The following KIRREL3 variants were observed in gnomAD, a reference collection of about 807,000 sequenced individuals.
KIRREL3 encodes kin of IRRE-like protein 3.
A neutral mutation model predicts 89.7 loss-of-function variants in KIRREL3; 36 were observed. The ratio of observed to expected loss-of-function variants is 0.40; its 90% confidence interval spans 0.31 to 0.53. The LOEUF is 0.53. KIRREL3 is among the 20% of genes least tolerant of loss of function. The probability of loss-of-function intolerance (pLI) is 0.49; values close to 1 mark genes in which losing one functional copy is unlikely to be tolerated. For synonymous variants in KIRREL3, 445 were observed against 441.4 expected, an observed-to-expected ratio of 1.01 and a Z score of -0.10; for missense variants, 864 against 1,056.6, an observed-to-expected ratio of 0.82 and a Z score of 2.53.
chr11:126,541,562 G>C lies in KIRREL3; in HGVS notation c.134-14875C>G, dbSNP rs1034965870. Reference sequence around the variant, plus strand: ...TATGCTGCTATAGCCTTGTCAGTCAGAGACGGTTCTAAAACTTCCATGTGC... The same window carrying C: ...TATGCTGCTATAGCCTTGTCAGTCACAGACGGTTCTAAAACTTCCATGTGC... On this transcript the variant is annotated intron_variant, in intron 2 of 16. Coordinates refer to ENST00000525144, the MANE Select transcript of KIRREL3 (RefSeq NM_032531.4). This position sits in a 1 kb window ranked among gnomAD's most constrained non-coding sequence, Gnocchi z 4.8. 2.0e-5 allele frequency among the ~76,000 whole-genome samples: 3 copies of C among 152,198 alleles called. No homozygotes were observed. The highest frequency in any genetic ancestry group is 7.2e-5 in the African/African-American group (3 of 41,444).
intron 1 of KIRREL3, among the ~76,000 whole-genome samples, chr11:126,741,934 T>C (rs1949000883): frequency 6.6e-6 from 1 of 152,204 alleles, no homozygotes; most frequent in South Asian, 2.1e-4. Flanking sequence ...TACCATTCCA[T>C]TGCTCTTTTC....
intron 1 of KIRREL3, among the ~76,000 whole-genome samples, chr11:126,767,296 G>A (rs1949855039): frequency 6.6e-6 from 1 of 152,196 alleles, no homozygotes; most frequent in Non-Finnish European, 1.5e-5. Flanking sequence ...GAGGGAGCTG[G>A]TAGCATGCTT....
At chr11:126,841,535 A>C (rs766730417) in intron 1 of KIRREL3, among the ~76,000 whole-genome samples, 3 of 152,248 alleles carry the variant, frequency 2.0e-5, no homozygotes, top group Non-Finnish European at 2.9e-5. Flanking sequence ...GTAATTCATT[A>C]TTCGTTTACA....
chr11:126,654,340 T>G (rs1021159831), intron 1 of KIRREL3, among the ~76,000 whole-genome samples: 3 of 37,764 alleles, frequency 7.9e-5, no homozygotes, highest in East Asian at 8.7e-4. Context: ...ACTGAAAGTT[T>G]TTTTTTTTTT....
At position 126,788,230 on chromosome 11, in the gene KIRREL3, A is replaced by T. The variant is rs1431524714; in HGVS notation, c.55+212225T>A. On this transcript the variant is annotated intron_variant, in intron 1 of 16. Coordinates refer to ENST00000525144, the MANE Select transcript of KIRREL3 (RefSeq NM_032531.4). The surrounding 1 kb of genome is among the most constrained non-coding windows in gnomAD (Gnocchi z 4.1). ...AATCGTTTCTAACCATCTCTTTTTC[A>T]TTCCTATGGACGTTGCCTCCCAGGG... 6.6e-6 allele frequency among the ~76,000 whole-genome samples: 1 copy of T among 152,154 alleles called. No homozygotes were observed. The highest frequency in any genetic ancestry group is 2.4e-5 in the African/African-American group (1 of 41,426).
At chr11:126,514,264 A>G (rs1159436088) in intron 4 of KIRREL3, among the ~76,000 whole-genome samples, 2 of 152,126 alleles carry the variant, frequency 1.3e-5, no homozygotes, top group Non-Finnish European at 2.9e-5. Flanking sequence ...ATTGCAGGGT[A>G]ATGAATGTTG....
intron 1 of KIRREL3, among the ~76,000 whole-genome samples, chr11:126,700,838 C>T (rs1328920038): frequency 6.6e-6 from 1 of 152,202 alleles, no homozygotes; most frequent in Non-Finnish European, 1.5e-5. Context: ...AGGCATTCAC[C>T]CCCCACACCC....
intron 1 of KIRREL3, among the ~76,000 whole-genome samples, chr11:126,670,733 A>G (rs185552759): frequency 1.1e-4 from 16 of 152,380 alleles, no homozygotes; most frequent in Admixed American, 9.8e-4. Flanking sequence ...AAAGATAAAT[A>G]CAAATTTGTG....
intron 1 of KIRREL3, among the ~76,000 whole-genome samples, chr11:126,810,391 G>A (rs1156704270): frequency 1.3e-5 from 2 of 152,126 alleles, no homozygotes; most frequent in Non-Finnish European, 2.9e-5. Context: ...TTAGCTTTCT[G>A]CAGACACACA....
chr11:126,823,945 C>G (rs1435359316), intron 1 of KIRREL3, among the ~76,000 whole-genome samples: 1 of 152,148 alleles, frequency 6.6e-6, no homozygotes, highest in African/African-American at 2.4e-5. Flanking sequence ...GGGTATCTTG[C>G]TGGAGCTACC....
chr11:126,473,522 C>A, intron 4 of KIRREL3, 56 bp from the exon 5 acceptor site: 1 of 1,450,166 alleles, frequency 6.9e-7, no homozygotes, highest in Non-Finnish European at 9.2e-7. Context: ...GGCAGGACGG[C>A]AGGCAGGCTG....
At chr11:126,789,589 G>T (rs1239536147) in intron 1 of KIRREL3, among the ~76,000 whole-genome samples, 1 of 152,062 alleles carries the variant, frequency 6.6e-6, no homozygotes, top group Non-Finnish European at 1.5e-5. Context: ...AAATTGTTTT[G>T]CCCTTGTTAA....
At chr11:126,433,544 G>T (rs1189014771) in intron 13 of KIRREL3, among the ~76,000 whole-genome samples, 1 of 152,184 alleles carries the variant, frequency 6.6e-6, no homozygotes. Context: ...CAGCTGTAGG[G>T]GTGACAGGGA....
intron 2 of KIRREL3, among the ~76,000 whole-genome samples, chr11:126,534,466 G>A (rs1386189200): frequency 2.0e-5 from 3 of 152,156 alleles, no homozygotes; most frequent in South Asian, 2.1e-4. Context: ...CTTCCTGCTC[G>A]CCGCCTGGAA....
intron 5 of KIRREL3, among the ~76,000 whole-genome samples, chr11:126,469,199 G>A (rs1265181981): frequency 1.3e-5 from 2 of 152,226 alleles, no homozygotes; most frequent in East Asian, 3.9e-4. Context: ...AATTCAGGCT[G>A]CCAGCTCCTG....
chr11:126,629,558 C>T (rs1046589501), intron 1 of KIRREL3, among the ~76,000 whole-genome samples: 10 of 152,320 alleles, frequency 6.6e-5, no homozygotes, highest in South Asian at 4.1e-4. Flanking sequence ...ATGCCTTCCA[C>T]GTGCTCCTCC....
Position 126,796,336 on chromosome 11 carries a change from A to G in KIRREL3, c.55+204119T>C, listed in dbSNP as rs1017016232. ...GGCTTGCTGATCCCAGACTGGGCTG[A>G]CCCAGGGCATCAGGGCTGGGGATTG... On this transcript the variant is annotated intron_variant, in intron 1 of 16. Coordinates refer to ENST00000525144, the MANE Select transcript of KIRREL3 (RefSeq NM_032531.4). The surrounding 1 kb of genome is among the most constrained non-coding windows in gnomAD (Gnocchi z 5.1). 1.3e-5 allele frequency among the ~76,000 whole-genome samples: 2 copies of G among 152,152 alleles called. No individual in the cohort carries two copies. The highest frequency in any genetic ancestry group is 4.8e-5 in the African/African-American group (2 of 41,428).
At chr11:126,693,428 A>C (rs749804375) in intron 1 of KIRREL3, among the ~76,000 whole-genome samples, 1 of 152,088 alleles carries the variant, frequency 6.6e-6, no homozygotes, top group South Asian at 2.1e-4. Flanking sequence ...CTCAAACACA[A>C]ACAAACAAAC....
chr11:126,658,425 G>C (rs1473079272), intron 1 of KIRREL3, among the ~76,000 whole-genome samples: 1 of 152,192 alleles, frequency 6.6e-6, no homozygotes, highest in East Asian at 1.9e-4. Context: ...GGCTGGAGGT[G>C]ACTCAGATGT....
Sources: gnomAD v4.1 joint callset for allele counts (sites outside exome capture counted in the v4.1 genomes callset) on GRCh38, gnomAD v4.1.1 for gene constraint, Gnocchi (gnomAD v3.1) non-coding constraint, MANE v1.5 for transcripts, NCBI Gene and HGNC (gene_info 2026-07-23, HGNC 2026-07-21) for gene names.